MED19: variants seen among roughly 807,000 people sequenced by gnomAD.
MED19 encodes the protein mediator complex subunit 19.
Under a neutral mutation model 19.9 loss-of-function variants are expected in MED19, and 4 were observed. That is an observed-to-expected ratio of 0.20 (90% CI 0.10 to 0.46). The LOEUF is 0.46. Ranked by LOEUF, MED19 falls within the 20% of genes least tolerant of loss-of-function variation. The probability of loss-of-function intolerance (pLI) is 0.99; values close to 1 mark genes in which losing one functional copy is unlikely to be tolerated. For synonymous variants in MED19, 139 were observed against 119.6 expected (o/e 1.16, Z -1.06); for missense variants, 303 against 318.7 (o/e 0.95, Z 0.38).
chr11:57,704,669 G>GGTT, intron 3 of MED19, 50 bp downstream of exon 3: 9 of 1,286,306 alleles, frequency 7.0e-6, no homozygotes, highest in Non-Finnish European at 9.3e-6. Flanking sequence ...AGAAGGTCAG[G>GGTT]TTTTTTTTTT....
chr11:57,707,372 AC>A (rs1332280019), intron 1 of MED19, among the ~76,000 whole-genome samples: 1 of 152,214 alleles, frequency 6.6e-6, no homozygotes, highest in Non-Finnish European at 1.5e-5. Flanking sequence ...CACAGAGGGT[AC>A]AAATGACAAA....
At chr11:57,705,157 C>T in exon 2 of MED19, 1 of 1,614,168 alleles carries the variant, frequency 6.2e-7, no homozygotes, top group Non-Finnish European at 8.5e-7. Flanking sequence ...CTTCTTCCCA[C>T]AGAATTTATT....
intron 1 of MED19, among the ~76,000 whole-genome samples, chr11:57,705,515 G>A (rs1590878918): frequency 6.6e-6 from 1 of 151,916 alleles, no homozygotes. Flanking sequence ...TTAGCCAGGC[G>A]TGGTAGCACG....
chr11:57,706,479 G>A (rs1946509021), intron 1 of MED19, among the ~76,000 whole-genome samples: 1 of 152,076 alleles, frequency 6.6e-6, no homozygotes, highest in Non-Finnish European at 1.5e-5. Flanking sequence ...TTAGAAGTCA[G>A]TCAACTAATG....
At chr11:57,711,317 A>G (rs1946592383) in intron 1 of MED19, among the ~76,000 whole-genome samples, 1 of 152,172 alleles carries the variant, frequency 6.6e-6, no homozygotes, top group South Asian at 2.1e-4. Flanking sequence ...TGGGTCCCCA[A>G]AGATATTAAA....
At chr11:57,709,372 ACT>A (rs1416773458) in intron 1 of MED19, among the ~76,000 whole-genome samples, 3 of 149,792 alleles carry the variant, frequency 2.0e-5, no homozygotes, top group Non-Finnish European at 3.0e-5. Flanking sequence ...CAAGAGCAAA[ACT>A]CTGTTTAAAA....
At chr11:57,711,877 G>T in intron 1 of MED19, 86 bp downstream of exon 1, 1 of 1,348,304 alleles carries the variant, frequency 7.4e-7, no homozygotes. Context: ...AGGTTACCTC[G>T]CACCTCCGCT....
At chr11:57,704,218 T>C in intron 4 of MED19, 84 bp downstream of exon 4, 2 of 1,526,176 alleles carry the variant, frequency 1.3e-6, no homozygotes, top group Non-Finnish European at 1.7e-6. Flanking sequence ...GGGTCCAACT[T>C]GAGGCAAAGA....
chr11:57,707,615 G>A (rs1471481768), intron 1 of MED19, among the ~76,000 whole-genome samples: 3 of 151,998 alleles, frequency 2.0e-5, no homozygotes, highest in South Asian at 4.2e-4. Context: ...AAGACTGAGC[G>A]AGGGTAATGG....
chr11:57,705,639 G>T (rs748296509), intron 1 of MED19, among the ~76,000 whole-genome samples: 5 of 146,048 alleles, frequency 3.4e-5, no homozygotes, highest in Admixed American at 1.4e-4. Flanking sequence ...GGACAACAGC[G>T]AGACTCTGTC....
At chr11:57,704,898 G>C in intron 2 of MED19, 75 bp downstream of exon 2, 1 of 1,605,994 alleles carries the variant, frequency 6.2e-7, no homozygotes, top group Non-Finnish European at 8.5e-7. Flanking sequence ...CCATTATGAA[G>C]GAACAGACTT....
chr11:57,711,819 T>C, intron 1 of MED19, 144 bp downstream of exon 1: 1 of 868,210 alleles, frequency 1.2e-6, no homozygotes, highest in South Asian at 2.8e-5. Flanking sequence ...TTGTGAATCC[T>C]AACAGCGCTT....
intron 1 of MED19, among the ~76,000 whole-genome samples, chr11:57,711,440 C>T (rs1031182406): frequency 1.3e-5 from 2 of 152,174 alleles, no homozygotes; most frequent in Non-Finnish European, 2.9e-5. Context: ...GCAACCTCCG[C>T]CTCCCGGGGT....
At chr11:57,705,907 C>T (rs975701214) in intron 1 of MED19, among the ~76,000 whole-genome samples, 5 of 151,872 alleles carry the variant, frequency 3.3e-5, no homozygotes, top group African/African-American at 1.2e-4. Flanking sequence ...TTCTCTGACA[C>T]AGCTAGGAAA....
At chr11:57,707,975 T>A (rs1405463019) in intron 1 of MED19, among the ~76,000 whole-genome samples, 1 of 151,854 alleles carries the variant, frequency 6.6e-6, no homozygotes. Flanking sequence ...TGGGACTACA[T>A]GCATACACTG....
At chr11:57,711,060 C>A (rs1946580109) in intron 1 of MED19, among the ~76,000 whole-genome samples, 1 of 152,204 alleles carries the variant, frequency 6.6e-6, no homozygotes, top group Admixed American at 6.5e-5. Context: ...GTTTACAATG[C>A]CTCCTCCACT....
intron 3 of MED19, 89 bp from the exon 4 acceptor site, chr11:57,704,485 C>T (rs1483641587): frequency 1.6e-5 from 25 of 1,556,554 alleles, no homozygotes; most frequent in South Asian, 1.5e-4. Flanking sequence ...AATCCCAAGT[C>T]GGGGCAACTG....
At chr11:57,709,136 C>T (rs1033455479) in intron 1 of MED19, among the ~76,000 whole-genome samples, 1 of 152,190 alleles carries the variant, frequency 6.6e-6, no homozygotes, top group Non-Finnish European at 1.5e-5. Flanking sequence ...AATCCTGGCA[C>T]TCTGGGAGGC....
At chr11:57,709,895 T>C (rs1246675583) in intron 1 of MED19, among the ~76,000 whole-genome samples, 2 of 152,178 alleles carry the variant, frequency 1.3e-5, no homozygotes, top group Non-Finnish European at 2.9e-5. Flanking sequence ...CAGCTCTACC[T>C]CTAACATCCT....
Sources: gnomAD v4.1 joint callset for allele counts (sites outside exome capture counted in the v4.1 genomes callset) on GRCh38, gnomAD v4.1.1 for gene constraint, MANE v1.5 for transcripts, NCBI Gene and HGNC (gene_info 2026-07-23, HGNC 2026-07-21) for gene names.